SERGEF: variants seen among roughly 807,000 people sequenced by gnomAD.
SERGEF encodes the protein secretion-regulating guanine nucleotide exchange factor.
A neutral mutation model predicts 50.0 loss-of-function variants in SERGEF; 51 were observed. That is an observed-to-expected ratio of 1.02 (90% confidence interval 0.81 to 1.29). The LOEUF (loss-of-function observed/expected upper bound fraction) is 1.29. Among genes scored for constraint, SERGEF ranks in the 50% most tolerant of loss-of-function variants. The pLI is 0.00. For missense variants in SERGEF, 521 were observed against 557.0 expected, an observed-to-expected ratio of 0.94 and a Z score of 0.65; for synonymous variants, 205 against 212.4, an observed-to-expected ratio of 0.97 and a Z score of 0.30.
chr11:17,847,153 C>T (rs982659506), intron 10 of SERGEF, among the ~76,000 whole-genome samples: 7 of 152,334 alleles, frequency 4.6e-5, no homozygotes, highest in African/African-American at 9.6e-5. Context: ...AGGTCACTGC[C>T]GCAAATTGAA....
At chr11:17,998,134 G>A (rs1008562987) in intron 5 of SERGEF, among the ~76,000 whole-genome samples, 4 of 151,936 alleles carry the variant, frequency 2.6e-5, no homozygotes, top group African/African-American at 4.8e-5. Context: ...CATTCAGGCT[G>A]GGCACAGAGG....
chr11:17,972,928 C>G (rs1853282554), intron 8 of SERGEF, among the ~76,000 whole-genome samples: 1 of 152,038 alleles, frequency 6.6e-6, no homozygotes, highest in South Asian at 2.1e-4. Flanking sequence ...AACTGCCATC[C>G]CTAATTCTGT....
rs552047312 is a variant in SERGEF, at chr11:17,922,929, A to C, written c.1011+36541T>G. Among the ~76,000 whole-genome samples, 4 of 152,304 alleles carry C rather than the reference A, an allele frequency of 2.6e-5. No individual in the cohort carries two copies. In the South Asian group the frequency reaches 8.3e-4, roughly 32 times the overall value. On this transcript the variant is annotated intron_variant, in intron 9 of 10. Transcript: ENST00000265965. ...GTTCACCTCTTTTGATTTCAGATTA[A>C]AACTGCCATCCTAGTCTCTGCTGGT...
At chr11:17,986,038 AG>A (rs1853588588) in intron 8 of SERGEF, among the ~76,000 whole-genome samples, 1 of 152,178 alleles carries the variant, frequency 6.6e-6, no homozygotes, top group African/African-American at 2.4e-5. Context: ...AATGAGACTG[AG>A]AGCAGCCTCT....
chr11:17,800,074 T>G (rs1849641157), intron 10 of SERGEF, among the ~76,000 whole-genome samples: 1 of 152,182 alleles, frequency 6.6e-6, no homozygotes, highest in Non-Finnish European at 1.5e-5. Flanking sequence ...TTTATTAAAC[T>G]TCTTGTCAAT....
rs181585433 is a variant in SERGEF, at chr11:17,936,442, T to C, written c.1011+23028A>G. On this transcript the variant is annotated intron_variant, in intron 9 of 10. Coordinates refer to ENST00000265965, the MANE Select transcript of SERGEF (RefSeq NM_012139.4). ...CTCAGTAGTCATATCAGCATTACGA[T>C]TTGAATCCAAAGTAGCCCTAATAAT... Among the ~76,000 whole-genome samples, 4 of 152,346 alleles carry C rather than the reference T, an allele frequency of 2.6e-5. No individual in the cohort carries two copies. In the East Asian group the frequency reaches 7.7e-4, roughly 29 times the overall value.
At chr11:17,798,514 C>A (rs989108783) in intron 10 of SERGEF, among the ~76,000 whole-genome samples, 1 of 152,246 alleles carries the variant, frequency 6.6e-6, no homozygotes, top group Admixed American at 6.5e-5. Context: ...CTGCTGTGGA[C>A]ACATTTCCTC....
rs550518480 is a variant in SERGEF at position 17,838,824 on chromosome 11, G to T, written c.1048+39384C>A. 3.3e-5 allele frequency among the ~76,000 whole-genome samples: 5 copies of T among 152,256 alleles called. No homozygotes were observed. In the East Asian group the frequency reaches 9.6e-4, roughly 29 times the overall value. On this transcript the variant is annotated intron_variant, in intron 10 of 10. Transcript: ENST00000265965. ...ACTTATAATAACTAGCTTGCACAAG[G>T]TCATACAGCTCATGAGTGCCATTGG...
chr11:17,853,059 A>G (rs1348196534), intron 10 of SERGEF, among the ~76,000 whole-genome samples: 2 of 152,192 alleles, frequency 1.3e-5, no homozygotes, highest in East Asian at 3.8e-4. Context: ...AACATTTTTC[A>G]AGTCCCACCT....
chr11:17,914,643 T>C (rs1852014833), intron 9 of SERGEF, among the ~76,000 whole-genome samples: 1 of 152,212 alleles, frequency 6.6e-6, no homozygotes. Context: ...ACTCAAGGTA[T>C]TTCTAATATG....
chr11:17,923,260 G>A (rs1852190495), intron 9 of SERGEF, among the ~76,000 whole-genome samples: 2 of 152,218 alleles, frequency 1.3e-5, no homozygotes, highest in African/African-American at 4.8e-5. Flanking sequence ...AGTCCCTGGA[G>A]AGCAGGGGCC....
At chr11:17,898,017 T>C (rs922890784) in intron 9 of SERGEF, among the ~76,000 whole-genome samples, 4 of 152,222 alleles carry the variant, frequency 2.6e-5, no homozygotes, top group African/African-American at 4.8e-5. Flanking sequence ...GCTACATAGA[T>C]TTCTCTTGTC....
chr11:17,982,016 G>C (rs1263895153), intron 8 of SERGEF, among the ~76,000 whole-genome samples: 1 of 151,842 alleles, frequency 6.6e-6, no homozygotes, highest in Non-Finnish European at 1.5e-5. Context: ...TACTGCCCAG[G>C]CTGATCTCAA....
intron 8 of SERGEF, among the ~76,000 whole-genome samples, chr11:17,986,655 T>C (rs978357220): frequency 2.0e-5 from 3 of 152,234 alleles, no homozygotes; most frequent in African/African-American, 7.2e-5. Flanking sequence ...CTTTCATTAG[T>C]CAACTACCTG....
chr11:17,931,475 T>C (rs576417837), intron 9 of SERGEF, among the ~76,000 whole-genome samples: 201 of 152,232 alleles, frequency 1.3e-3, no homozygotes, highest in African/African-American at 4.6e-3. Flanking sequence ...TCCAAACACA[T>C]ACCCAACATT....
intron 9 of SERGEF, among the ~76,000 whole-genome samples, chr11:17,885,414 T>C (rs1337379464): frequency 6.6e-6 from 1 of 152,170 alleles, no homozygotes; most frequent in African/African-American, 2.4e-5. Context: ...CTCGAATTCC[T>C]GGGCTCAAGC....
At chr11:17,941,785 G>A (rs1368704238) in intron 9 of SERGEF, among the ~76,000 whole-genome samples, 2 of 152,066 alleles carry the variant, frequency 1.3e-5, no homozygotes, top group Admixed American at 6.5e-5. Flanking sequence ...CTACATTCTG[G>A]CCATCACTTC....
At chr11:17,882,429 A>AG (rs1851351850) in intron 9 of SERGEF, among the ~76,000 whole-genome samples, 1 of 151,290 alleles carries the variant, frequency 6.6e-6, no homozygotes, top group Non-Finnish European at 1.5e-5. Flanking sequence ...AAAAAAAAAA[A>AG]AAAAAAAGAA....
intron 10 of SERGEF, among the ~76,000 whole-genome samples, chr11:17,841,201 G>A (rs1850496575): frequency 6.6e-6 from 1 of 152,208 alleles, no homozygotes; most frequent in Non-Finnish European, 1.5e-5. Context: ...TAAGGCCATT[G>A]TGGCCTACCC....
Sources: allele counts gnomAD v4.1 joint callset (sites outside exome capture counted in the v4.1 genomes callset), GRCh38; gene constraint gnomAD v4.1.1; transcripts MANE v1.5; gene names NCBI Gene and HGNC (gene_info 2026-07-23, HGNC 2026-07-21).